The following GMCL1 variants were observed in gnomAD, a reference collection of about 807,000 sequenced individuals.
GMCL1 encodes the protein germ cell-less 1, spermatogenesis associated.
Under a neutral mutation model 75.5 loss-of-function variants are expected in GMCL1, and 54 were observed. That is an observed-to-expected ratio of 0.71 (90% CI 0.57 to 0.90). The LOEUF is 0.90. GMCL1 is among the 40% of genes least tolerant of loss of function. The pLI is 0.00. For synonymous variants in GMCL1, 210 were observed against 209.6 expected (o/e 1.00, Z -0.02); for missense variants, 537 against 622.7 (o/e 0.86, Z 1.47).
rs1363536157 is a variant in GMCL1 at position 69,861,228 on chromosome 2, T to C, written c.1073-50T>C. 3 of 1,261,864 alleles carry C rather than the reference T, an allele frequency of 2.4e-6. No homozygotes were observed. In the Admixed American group the frequency reaches 6.0e-5, roughly 25 times the overall value. The allele number at this position is 1,261,864 out of a possible 1,614,324, so 78.2% of individuals were successfully genotyped here. A position where few individuals can be genotyped will look rare whatever the true frequency, so the allele number is the denominator to read the frequency against. The stretch of plus-strand genomic sequence containing the variant: ...GTCAACTATGAATGTTTAAATCCTT[T>C]ATGTTCTTCAGTCGTTATTTATTAT... On this transcript the variant is annotated intron_variant, in intron 9 of 13. Coordinates refer to ENST00000282570, the MANE Select transcript of GMCL1 (RefSeq NM_178439.5).
At chr2:69,843,733 A>G (rs1558539592) in intron 5 of GMCL1, among the ~76,000 whole-genome samples, 1 of 152,184 alleles carries the variant, frequency 6.6e-6, no homozygotes, top group Non-Finnish European at 1.5e-5. Flanking sequence ...CAAGACTGCA[A>G]TGAGCCGTGA....
At chr2:69,871,076 G>A (rs1419309308) in intron 12 of GMCL1, among the ~76,000 whole-genome samples, 1 of 152,142 alleles carries the variant, frequency 6.6e-6, no homozygotes, top group African/African-American at 2.4e-5. Context: ...GTATACTTAT[G>A]TTCATAACAG....
rs1050993180 is a variant in GMCL1, at chr2:69,866,346, C to T, written c.1218+1371C>T. On this transcript the variant is annotated intron_variant, in intron 11 of 13. Transcript: ENST00000282570. ...TTTTAAATATTCCCCCCTAACTAAT[C>T]ATAATTTTTGTTTTTCAAAAAAAAT... Among the ~76,000 whole-genome samples, 3 of 151,946 alleles carry T rather than the reference C, an allele frequency of 2.0e-5. No homozygotes were observed. In the East Asian group the frequency reaches 5.8e-4, roughly 29 times the overall value.
At chr2:69,841,302 C>A (rs749004155) in intron 4 of GMCL1, among the ~76,000 whole-genome samples, 1 of 152,076 alleles carries the variant, frequency 6.6e-6, no homozygotes, top group South Asian at 2.1e-4. Context: ...GTGGAAAAAA[C>A]GTACTTGTCT....
intron 11 of GMCL1, among the ~76,000 whole-genome samples, chr2:69,866,579 C>A (rs945137325): frequency 7.9e-5 from 12 of 152,122 alleles, no homozygotes; most frequent in African/African-American, 2.9e-4. Flanking sequence ...AAGCAACAGT[C>A]TCTGGAGTAG....
intron 3 of GMCL1, chr2:69,839,997 G>A (rs1196460476): frequency 6.4e-6 from 1 of 155,712 alleles, no homozygotes; most frequent in East Asian, 1.9e-4. Context: ...ACTTATTTTG[G>A]ATCTCAGAGC....
At chr2:69,867,745 C>T (rs1558550324) in intron 11 of GMCL1, among the ~76,000 whole-genome samples, 1 of 152,190 alleles carries the variant, frequency 6.6e-6, no homozygotes, top group African/African-American at 2.4e-5. Context: ...TGATTAAAGA[C>T]AAACACCGTA....
chr2:69,839,093 C>T (rs763479490), intron 2 of GMCL1, among the ~76,000 whole-genome samples: 7 of 151,782 alleles, frequency 4.6e-5, no homozygotes, highest in Non-Finnish European at 8.8e-5. Flanking sequence ...CCTGTTTTTG[C>T]TGACTTGGGA....
chr2:69,840,935 C>G lies in GMCL1; in HGVS notation c.482-7C>G. On this transcript the variant is annotated splice_polypyrimidine_tract_variant and splice_region_variant and intron_variant, in intron 3 of 13. Transcript: ENST00000282570. ...TATTTCATCCTACATGTGTACCTTG[C>G]TTTCAGCACTGCAGGTTGCATTTGG... is the stretch of plus-strand genomic sequence containing the variant. 2 of 1,604,760 alleles carry G rather than the reference C, an allele frequency of 1.2e-6. No homozygotes were observed. The highest frequency in any genetic ancestry group is 2.2e-5 in the South Asian group (2 of 90,702).
At chr2:69,855,618 T>A (rs2103998611) in intron 9 of GMCL1, among the ~76,000 whole-genome samples, 1 of 152,302 alleles carries the variant, frequency 6.6e-6, no homozygotes, top group East Asian at 1.9e-4. Flanking sequence ...TATAGATTTT[T>A]GTTCCTGATA....
chr2:69,847,253 T>G (rs1212240556), intron 6 of GMCL1, among the ~76,000 whole-genome samples: 1 of 152,162 alleles, frequency 6.6e-6, no homozygotes, highest in African/African-American at 2.4e-5. Flanking sequence ...ACTTGATTAA[T>G]CAGCAGATCA....
At position 69,847,536 on chromosome 2, in the gene GMCL1, T is replaced by G. The variant is rs199812222; in HGVS notation, c.759-7T>G. ...ATAAGCTCACTCCCTCTATTTATCC[T>G]TTTCAGTATAAATGTCATGAAACAG... On this transcript the variant is annotated splice_polypyrimidine_tract_variant and splice_region_variant and intron_variant, in intron 6 of 13. Transcript: ENST00000282570. The G allele has an allele frequency of 8.2e-6, 13 of 1,577,538 alleles. No individual in the cohort carries two copies. The highest frequency in any genetic ancestry group is 1.1e-5 in the Non-Finnish European group (13 of 1,147,106).
At chr2:69,865,335 T>C (rs1675779209) in intron 11 of GMCL1, among the ~76,000 whole-genome samples, 1 of 152,234 alleles carries the variant, frequency 6.6e-6, no homozygotes. Context: ...AATCCATTGA[T>C]TGTTACCCAC....
At chr2:69,837,199 G>A (rs1477078705) in intron 1 of GMCL1, among the ~76,000 whole-genome samples, 1 of 152,108 alleles carries the variant, frequency 6.6e-6, no homozygotes, top group Non-Finnish European at 1.5e-5. Flanking sequence ...AAGGAAATAA[G>A]CAAAAAATCA....
intron 13 of GMCL1, among the ~76,000 whole-genome samples, chr2:69,874,877 G>C (rs60528915): frequency 1.3e-5 from 2 of 151,698 alleles, no homozygotes; most frequent in Admixed American, 1.3e-4. Flanking sequence ...AAGTAGCTGA[G>C]ACTACAGGCT....
intron 11 of GMCL1, among the ~76,000 whole-genome samples, chr2:69,867,755 A>T (rs1414612570): frequency 6.6e-6 from 1 of 152,178 alleles, no homozygotes; most frequent in Non-Finnish European, 1.5e-5. Context: ...CAAACACCGT[A>T]CCCCATTGGG....
chr2:69,833,485 G>A (rs1674731476), intron 1 of GMCL1, among the ~76,000 whole-genome samples: 1 of 152,152 alleles, frequency 6.6e-6, no homozygotes, highest in Admixed American at 6.5e-5. Context: ...GCTTGGTGGT[G>A]CACGCCTGTA....
Position 69,839,535 on chromosome 2 carries a change from C to G in GMCL1, c.463C>G (p.Gln155Glu). 1 of 1,587,846 alleles carries G rather than the reference C, an allele frequency of 6.3e-7. No homozygotes were observed. Among genetic ancestry groups the G allele is most frequent in the Non-Finnish European group, 8.6e-7 (1 of 1,157,484 alleles). ...MNIIELEIPD[Q>E]NIDVEALQVA... is the part of the protein sequence containing the mutation. ...TATTATTGAACTGGAGATTCCTGAC[C>G]AGAACATTGATGTAGAAGGTAACTA... The change falls in exon 3 of 14, where the codon CAG (glutamine) becomes GAG (glutamate). Residue 155 changes from glutamine (Q) to glutamate (E), a missense_variant. Gln to Glu is a conservative substitution (Grantham distance 29). Around this residue, in one of 3 missense-constraint regions of GMCL1, gnomAD observed 48 missense variants for 85.0 expected, o/e 0.56. Coordinates refer to ENST00000282570, the MANE Select transcript of GMCL1 (RefSeq NM_178439.5).
intron 1 of GMCL1, among the ~76,000 whole-genome samples, chr2:69,835,531 A>G (rs1674795832): frequency 6.6e-6 from 1 of 152,046 alleles, no homozygotes; most frequent in Admixed American, 6.5e-5. Context: ...TGGTGTTTTA[A>G]TTGAGGAAAT....
Sources: gnomAD v4.1 joint callset for allele counts (sites outside exome capture counted in the v4.1 genomes callset) on GRCh38, gnomAD v4.1.1 for gene constraint, gnomAD v4.1.1 regional missense constraint, MANE v1.5 for transcripts, NCBI Gene and HGNC (gene_info 2026-07-23, HGNC 2026-07-21) for gene names.